TENM2: variants seen among roughly 807,000 people sequenced by gnomAD.
TENM2 encodes the protein teneurin transmembrane protein 2.
TENM2 carries 52 observed loss-of-function variants against 245.2 expected under a neutral mutation model. That is an observed-to-expected ratio of 0.21 (90% CI 0.17 to 0.27). The LOEUF (loss-of-function observed/expected upper bound fraction) is 0.27, where lower values mean the gene tolerates loss of function less well. Ranked by LOEUF, TENM2 falls within the 10% of genes least tolerant of loss-of-function variation. TENM2 has a pLI of 1.00. For synonymous variants in TENM2, 1,363 were observed against 1,438.9 expected (o/e 0.95, Z 1.19); for missense variants, 3,046 against 3,666.8 (o/e 0.83, Z 4.37).
intron 2 of TENM2, among the ~76,000 whole-genome samples, chr5:167,466,341 T>C (rs1447615337): frequency 2.6e-5 from 4 of 152,288 alleles, no homozygotes; most frequent in South Asian, 2.1e-4. Context: ...TCAAGTTCAA[T>C]TGGGTGTTAG....
chr5:167,783,514 G>A (rs1264242949), intron 2 of TENM2, among the ~76,000 whole-genome samples: 4 of 152,186 alleles, frequency 2.6e-5, no homozygotes, highest in South Asian at 2.1e-4. Flanking sequence ...CAGGAAACTC[G>A]TTAATGCAGT....
At chr5:167,748,388 A>AT (rs5873066) in intron 2 of TENM2, among the ~76,000 whole-genome samples, 149,871 of 152,044 alleles carry the variant, frequency 0.99, 73,893 homozygotes, top group Middle Eastern at 1. Flanking sequence ...TTAGAGGACA[A>AT]TTTTTTAAGA....
At chr5:167,560,461 A>T (rs1377808720) in intron 2 of TENM2, among the ~76,000 whole-genome samples, 1 of 152,136 alleles carries the variant, frequency 6.6e-6, no homozygotes, top group Non-Finnish European at 1.5e-5. Flanking sequence ...TTCGGATTAT[A>T]ACCACAGGGA....
At chr5:167,028,446 G>GT in the TENM2 span, among the ~76,000 whole-genome samples, 1 of 151,946 alleles carries the variant, frequency 6.6e-6, no homozygotes, top group African/African-American at 2.4e-5. Flanking sequence ...ATTTACCCAT[G>GT]TTTTTACCAG....
intron 2 of TENM2, among the ~76,000 whole-genome samples, chr5:167,654,185 C>T (rs964197546): frequency 1.3e-5 from 2 of 151,794 alleles, no homozygotes; most frequent in African/African-American, 4.8e-5. Context: ...CATTTTGTGT[C>T]TCTCAGTTAT....
chr5:167,916,560 A>G (rs1469164995), intron 3 of TENM2, among the ~76,000 whole-genome samples: 1 of 152,036 alleles, frequency 6.6e-6, no homozygotes, highest in Non-Finnish European at 1.5e-5. Context: ...CAACATTCCA[A>G]AAATTATACT....
chr5:167,372,888 A>C (rs1760520578), intron 1 of TENM2, among the ~76,000 whole-genome samples: 1 of 152,224 alleles, frequency 6.6e-6, no homozygotes, highest in South Asian at 2.1e-4. Context: ...ACTGAGACTG[A>C]AATATAAATT....
intron 2 of TENM2, among the ~76,000 whole-genome samples, chr5:167,531,701 C>T (rs946984463): frequency 4.7e-5 from 7 of 149,472 alleles, no homozygotes; most frequent in East Asian, 4.0e-4. Flanking sequence ...TCAGATTCCA[C>T]GTGTAAGTGA....
rs115850347 is a variant in TENM2 at position 168,068,602 on chromosome 5, C to T, written c.1515+6337C>T. ...TCCAGAGGGAGAGAGAGAGACTAAA[C>T]CCATGAGAGTGGTCACCTCTAGGAA... On this transcript the variant is annotated intron_variant, in intron 7 of 28. Transcript: ENST00000518659. 5.6e-3 allele frequency among the ~76,000 whole-genome samples: 857 copies of T among 151,860 alleles called. 2 individuals carry two copies. The highest frequency in any genetic ancestry group is 9.9e-3 in the Non-Finnish European group (674 of 67,968).
chr5:167,325,380 G>A (rs1479669633), intron 1 of TENM2, among the ~76,000 whole-genome samples: 1 of 152,166 alleles, frequency 6.6e-6, no homozygotes, highest in African/African-American at 2.4e-5. Context: ...AAATGTCCTA[G>A]TGTAGGTTTT....
chr5:167,201,996 G>A, the TENM2 span, among the ~76,000 whole-genome samples: 2 of 152,128 alleles, frequency 1.3e-5, no homozygotes, highest in African/African-American at 4.8e-5. Flanking sequence ...CTTTAGGGAA[G>A]GTAGTTGTTG....
At chr5:167,712,999 C>A (rs768926262) in intron 2 of TENM2, among the ~76,000 whole-genome samples, 5 of 152,048 alleles carry the variant, frequency 3.3e-5, no homozygotes, top group Non-Finnish European at 7.4e-5. Context: ...TATTTTCCTG[C>A]CTGGTGGGCT....
rs374681439 is a variant in TENM2 at position 167,995,222 on chromosome 5, A to G, written c.1186+2040A>G. On this transcript the variant is annotated intron_variant, in intron 5 of 28. Coordinates refer to ENST00000518659, the Ensembl canonical transcript of TENM2. ...TTATGGGGCTTGATAGTTAAAGTAG[A>G]ATAGCTTCCTGTAAGGGCAGTCATA... 1.5e-3 allele frequency among the ~76,000 whole-genome samples: 227 copies of G among 152,272 alleles called. 1 individual carries two copies. Among genetic ancestry groups the G allele is most frequent in the African/African-American group, 5.1e-3 (213 of 41,556 alleles).
rs1561883863 is a variant in TENM2, at chr5:167,350,846, G to GATATATATATGGGATATATACATATGGAT, written c.227-24337_227-24336insATATACATATGGATATATATATATGGGAT. Among the ~76,000 whole-genome samples, 28 of 95,892 alleles carry GATATATATATGGGATATATACATATGGAT rather than the reference G, an allele frequency of 2.9e-4. 8 individuals are homozygous for GATATATATATGGGATATATACATATGGAT. The highest frequency in any genetic ancestry group is 1.1e-3 in the African/African-American group (27 of 24,296). 62.9% of individuals were successfully genotyped at this position (95,892 alleles called of 152,430 possible). A position where few individuals can be genotyped will look rare whatever the true frequency, so the allele number is the denominator to read the frequency against. On this transcript the variant is annotated intron_variant, in intron 1 of 28. Transcript: ENST00000518659. ...TATATATATGGGATATATACATATG[G>GATATATATATGGGATATATACATATGGAT]ATATATATATGGGATGTATACATAT...
intron 3 of TENM2, among the ~76,000 whole-genome samples, chr5:167,897,020 C>T (rs774734308): frequency 1.4e-4 from 22 of 152,292 alleles, no homozygotes; most frequent in African/African-American, 2.4e-4. Context: ...GAGCTTAACT[C>T]GGTTGGTCTA....
At chr5:167,067,752 G>C in the TENM2 span, among the ~76,000 whole-genome samples, 91,163 of 152,068 alleles carry the variant, frequency 0.6, 29,440 homozygotes, top group African/African-American at 0.85. Context: ...GTTCTCTAAT[G>C]TATTGGTCAT....
intron 24 of TENM2, among the ~76,000 whole-genome samples, chr5:168,227,087 C>A (rs535936776): frequency 5.0e-4 from 76 of 152,254 alleles, no homozygotes; most frequent in African/African-American, 1.6e-3. Flanking sequence ...TTGCTCACTG[C>A]CCCAAAAGCT....
At chr5:167,239,574 A>G in the TENM2 span, among the ~76,000 whole-genome samples, 3 of 152,232 alleles carry the variant, frequency 2.0e-5, no homozygotes, top group Admixed American at 2.0e-4. Context: ...AATGAATCAC[A>G]CCAACGAGGT....
At chr5:167,164,292 C>G in the TENM2 span, among the ~76,000 whole-genome samples, 1 of 152,202 alleles carries the variant, frequency 6.6e-6, no homozygotes, top group African/African-American at 2.4e-5. Flanking sequence ...TCCCTTCTAA[C>G]AAATGGAGTG....
Sources: allele counts gnomAD v4.1 joint callset (sites outside exome capture counted in the v4.1 genomes callset), GRCh38; gene constraint gnomAD v4.1.1; transcripts MANE v1.5; gene names NCBI Gene and HGNC (gene_info 2026-07-23, HGNC 2026-07-21).